The following PHC3 variants were observed in gnomAD, a reference collection of about 807,000 sequenced individuals.
PHC3 encodes polyhomeotic-like protein 3.
Under a neutral mutation model 107.4 loss-of-function variants are expected in PHC3, and 13 were observed. That is an observed-to-expected ratio of 0.12 (90% confidence interval 0.08 to 0.19). PHC3 has a LOEUF of 0.19. Ranked by LOEUF, PHC3 falls within the 10% of genes least tolerant of loss-of-function variation. PHC3 has a pLI of 1.00. For synonymous variants in PHC3, 456 were observed against 427.4 expected (o/e 1.07, Z -0.83); for missense variants, 992 against 1,210.9 (o/e 0.82, Z 2.68).
At chr3:170,105,286 C>T (rs1315337030) in intron 12 of PHC3, among the ~76,000 whole-genome samples, 1 of 152,144 alleles carries the variant, frequency 6.6e-6, no homozygotes, top group Non-Finnish European at 1.5e-5. Context: ...CAAGTTAAAA[C>T]ATGAGTTACA....
chr3:170,128,159 T>A (rs1721662234), intron 8 of PHC3, among the ~76,000 whole-genome samples: 2 of 152,156 alleles, frequency 1.3e-5, no homozygotes, highest in Non-Finnish European at 2.9e-5. Context: ...TTTACAAAAT[T>A]TCAACTACAA....
At chr3:170,162,091 A>T (rs1334971933) in intron 4 of PHC3, among the ~76,000 whole-genome samples, 1 of 152,206 alleles carries the variant, frequency 6.6e-6, no homozygotes, top group Non-Finnish European at 1.5e-5. Flanking sequence ...AGGGAAGTTA[A>T]ATGACTTGCC....
At chr3:170,155,094 A>T (rs1052773677) in intron 4 of PHC3, among the ~76,000 whole-genome samples, 29 of 152,204 alleles carry the variant, frequency 1.9e-4, no homozygotes, top group Non-Finnish European at 2.9e-5. Flanking sequence ...TAATTCTAGG[A>T]GTCACCAGAA....
chr3:170,112,092 A>G (rs1330090295), intron 11 of PHC3, among the ~76,000 whole-genome samples: 1 of 152,206 alleles, frequency 6.6e-6, no homozygotes, highest in Non-Finnish European at 1.5e-5. Context: ...TCAGCCCAAA[A>G]AACAGTAAAA....
At chr3:170,147,721 A>C (rs1318986945) in intron 5 of PHC3, 1 of 152,236 alleles carries the variant, frequency 6.6e-6, no homozygotes, top group Non-Finnish European at 1.5e-5. Flanking sequence ...GGGGACAGAG[A>C]GGGTAGGGCC....
chr3:170,139,783 T>C (rs1723735946), intron 6 of PHC3, among the ~76,000 whole-genome samples: 1 of 152,196 alleles, frequency 6.6e-6, no homozygotes, highest in South Asian at 2.1e-4. Context: ...ACAAAGTTAA[T>C]TTAGCTGTTA....
rs541839447 is a variant in PHC3 at position 170,160,200 on chromosome 3, T to C, written c.415-10956A>G. ...AGAATCCCACATAGTAATGAATCCC[T>C]AAATCTAACCTCTGCTGTCTCAGGA... On this transcript the variant is annotated intron_variant, in intron 4 of 14. Transcript: ENST00000495893. Among the ~76,000 whole-genome samples the C allele has an allele frequency of 1.6e-4, 24 of 152,328 alleles. No homozygotes were observed. In the East Asian group the frequency reaches 4.4e-3, roughly 28 times the overall value.
intron 10 of PHC3, among the ~76,000 whole-genome samples, chr3:170,116,008 T>A (rs1008027089): frequency 2.0e-5 from 3 of 152,086 alleles, no homozygotes; most frequent in Admixed American, 2.0e-4. Context: ...CTTCAAAAAA[T>A]TTTTCATATT....
rs771145437 is a variant in PHC3 at position 170,171,444 on chromosome 3, A to C, written c.343T>G (p.Leu115Val). ...GATGTAGATGGTCTTCCACTGGACA[A>C]ACTTGCCTAAAATAGTAAGACTTTT... ...LQSLAAVQASLSSGRPSTSPT... is the reference protein window; with the variant it reads ...LQSLAAVQASVSSGRPSTSPT... The change falls in exon 4 of 15, where the codon TTG (leucine) becomes GTG (valine). Residue 115 changes from leucine (L) to valine (V), a missense_variant. By Grantham distance (32) the Leu-to-Val change is conservative. Around this residue, in one of 6 missense-constraint regions of PHC3, gnomAD observed 161 missense variants for 183.7 expected, o/e 0.88. Coordinates refer to ENST00000495893, the MANE Select transcript of PHC3 (RefSeq NM_024947.4). 6.3e-7 allele frequency: 1 copy of C among 1,592,472 alleles called. No homozygotes were observed. The highest frequency in any genetic ancestry group is 1.2e-5 in the South Asian group (1 of 85,106).
chr3:170,101,255 T>G (rs1272270812), intron 14 of PHC3, among the ~76,000 whole-genome samples: 1 of 152,222 alleles, frequency 6.6e-6, no homozygotes, highest in South Asian at 2.1e-4. Flanking sequence ...GTGGCCATAT[T>G]TTTTTAAAAC....
Position 170,091,609 on chromosome 3 carries a change from G to C in PHC3, c.*5621C>G, listed in dbSNP as rs566129386. 1 of 152,264 alleles carries C rather than the reference G, an allele frequency of 6.6e-6. No homozygotes were observed. Among genetic ancestry groups the C allele is most frequent in the South Asian group, 2.1e-4 (1 of 4,824 alleles). 9.4% of individuals were successfully genotyped at this position (152,264 alleles called of 1,614,324 possible). A position where few individuals can be genotyped will look rare whatever the true frequency, so the allele number is the denominator to read the frequency against. On this transcript the variant is annotated 3_prime_UTR_variant, in exon 15 of 15. Coordinates refer to ENST00000495893, the MANE Select transcript of PHC3 (RefSeq NM_024947.4). ...CCCATAAACATGACACTTGGAAGGG[G>C]TGTGTGCATGTGTCTGAGTAGAAAA...
At chr3:170,109,523 C>G (rs1342471542) in intron 11 of PHC3, among the ~76,000 whole-genome samples, 1 of 152,154 alleles carries the variant, frequency 6.6e-6, no homozygotes, top group Non-Finnish European at 1.5e-5. Context: ...AAATTAAATT[C>G]CTATCTTCTT....
At position 170,126,596 on chromosome 3, in the gene PHC3, C is replaced by T. The variant is rs1326532992; in HGVS notation, c.1788+2088G>A. On this transcript the variant is annotated intron_variant, in intron 8 of 14. Coordinates refer to ENST00000495893, the MANE Select transcript of PHC3 (RefSeq NM_024947.4). Reference sequence around the variant, plus strand: ...TCACTCTGTCACCCAGGCTGGAGTGCAGTGGTACGATCTCAGCTCACTGCA... The same window carrying T: ...TCACTCTGTCACCCAGGCTGGAGTGTAGTGGTACGATCTCAGCTCACTGCA... 4.1e-5 allele frequency among the ~76,000 whole-genome samples: 6 copies of T among 144,604 alleles called. No homozygotes were observed. In the Admixed American group the frequency reaches 4.3e-4, roughly 10 times the overall value. 94.9% of individuals were successfully genotyped at this position (144,604 alleles called of 152,430 possible).
At chr3:170,160,861 C>A (rs765802460) in intron 4 of PHC3, among the ~76,000 whole-genome samples, 1 of 152,108 alleles carries the variant, frequency 6.6e-6, no homozygotes, top group Non-Finnish European at 1.5e-5. Flanking sequence ...GAGCCAAGAT[C>A]GTGCCACTGC....
At chr3:170,177,351 G>A (rs1432363671) in intron 2 of PHC3, among the ~76,000 whole-genome samples, 2 of 152,054 alleles carry the variant, frequency 1.3e-5, no homozygotes, top group African/African-American at 4.8e-5. Context: ...GCTGACAAAT[G>A]TAAGCCCTCT....
intron 4 of PHC3, among the ~76,000 whole-genome samples, chr3:170,162,115 ACAGT>A (rs1024365465): frequency 3.3e-5 from 5 of 152,214 alleles, no homozygotes; most frequent in Non-Finnish European, 7.3e-5. Flanking sequence ...AGTCACATTA[ACAGT>A]CAGTCACAGA....
chr3:170,178,345 G>A lies in PHC3; in HGVS notation c.180+428C>T, dbSNP rs890313774. Among the ~76,000 whole-genome samples, 11 of 150,416 alleles carry A rather than the reference G, an allele frequency of 7.3e-5. No homozygotes were observed. In the South Asian group the frequency reaches 1.7e-3, roughly 23 times the overall value. The stretch of plus-strand genomic sequence containing the variant: ...TTTTTAGTAGAGACGGGGTTTCACC[G>A]TGGTCTCGATCTCCTGACCTCGTGA... On this transcript the variant is annotated intron_variant, in intron 2 of 14. Coordinates refer to ENST00000495893, the MANE Select transcript of PHC3 (RefSeq NM_024947.4).
chr3:170,124,772 A>G (rs1233073811), intron 8 of PHC3, among the ~76,000 whole-genome samples: 7 of 152,236 alleles, frequency 4.6e-5, no homozygotes. Context: ...CTGATGTTTT[A>G]AAGTATATAA....
rs770361520 is a variant in PHC3, at chr3:170,117,280, G to T, written c.2139C>A (p.Ile713=). 1 of 1,613,862 alleles carries T rather than the reference G, an allele frequency of 6.2e-7. No homozygotes were observed. Among genetic ancestry groups the T allele is most frequent in the Non-Finnish European group, 8.5e-7 (1 of 1,179,872 alleles). ...KPPQAIVKPQ[I]LTHVIEGFVI... is the part of the protein sequence containing the mutation. ...CAAAGCCTTCAATAACATGGGTTAG[G>T]ATCTGTGGTTTAACAATAGCCTGTG... Residue 713 remains isoleucine, a synonymous_variant, in exon 10 of 15, where the codon ATC becomes ATA. Transcript: ENST00000495893.
Sources: allele counts gnomAD v4.1 joint callset (sites outside exome capture counted in the v4.1 genomes callset), GRCh38; gene constraint gnomAD v4.1.1; regional missense constraint gnomAD v4.1.1; transcripts MANE v1.5; gene names NCBI Gene and HGNC (gene_info 2026-07-23, HGNC 2026-07-21).